Variants in TDRD3 observed in about 807,000 individuals in gnomAD.
TDRD3 encodes tudor domain-containing protein 3.
Under a neutral mutation model 86.7 loss-of-function variants are expected in TDRD3, and 45 were observed. The observed-to-expected ratio is 0.52, with a 90% CI of 0.41 to 0.67. TDRD3 has a LOEUF of 0.67. Among genes scored for constraint, TDRD3 ranks in the 30% least tolerant of loss-of-function variants. The pLI, the probability that TDRD3 is intolerant of heterozygous loss-of-function variation, is 0.00. For missense variants in TDRD3, 814 were observed against 889.0 expected, an observed-to-expected ratio of 0.92 and a Z score of 1.07; for synonymous variants, 298 against 301.7, an observed-to-expected ratio of 0.99 and a Z score of 0.13.
At chr13:60,521,862 A>T (rs1405127292) in intron 10 of TDRD3, among the ~76,000 whole-genome samples, 1 of 152,092 alleles carries the variant, frequency 6.6e-6, no homozygotes, top group African/African-American at 2.4e-5. Context: ...GCACCATTGC[A>T]CTCCAGCCTG....
At chr13:60,498,660 G>A (rs999138761) in intron 8 of TDRD3, among the ~76,000 whole-genome samples, 12 of 152,126 alleles carry the variant, frequency 7.9e-5, no homozygotes, top group African/African-American at 2.9e-4. Context: ...CTTGAATGAA[G>A]GGGAGGCTGG....
At chr13:60,465,546 G>A (rs989677885) in intron 4 of TDRD3, among the ~76,000 whole-genome samples, 3 of 152,026 alleles carry the variant, frequency 2.0e-5, no homozygotes, top group African/African-American at 4.8e-5. Context: ...TTTTTTAATT[G>A]CTTTATTGAG....
chr13:60,538,975 A>G (rs925539011), intron 12 of TDRD3, among the ~76,000 whole-genome samples: 1 of 152,318 alleles, frequency 6.6e-6, no homozygotes, highest in Middle Eastern at 3.4e-3. Flanking sequence ...AAAAGTTCAT[A>G]GTATCTGCTT....
chr13:60,455,391 C>T (rs1186658066), intron 3 of TDRD3, among the ~76,000 whole-genome samples: 2 of 152,114 alleles, frequency 1.3e-5, no homozygotes, highest in African/African-American at 4.8e-5. Context: ...TGAAACATTG[C>T]CCTGTTAAGG....
Position 60,455,805 on chromosome 13 carries a change from C to T in TDRD3, c.193-4575C>T, listed in dbSNP as rs149245611. The stretch of plus-strand genomic sequence containing the variant: ...AAAACAGGCCAGGTATGGTTGCCCA[C>T]GCCTGTAATCCCAGCACTTTAGAAG... On this transcript the variant is annotated intron_variant, in intron 3 of 13. Transcript: ENST00000377881. Among the ~76,000 whole-genome samples the T allele has an allele frequency of 2.1e-4, 32 of 152,100 alleles. No homozygotes were observed. The East Asian group carries it at 5.6e-3, about 27-fold the overall frequency.
intron 1 of TDRD3, among the ~76,000 whole-genome samples, chr13:60,432,487 C>A (rs994644077): frequency 7.2e-5 from 11 of 151,986 alleles, no homozygotes; most frequent in African/African-American, 2.4e-4. Flanking sequence ...AGGGAATTGG[C>A]AAGTTAATTC....
intron 1 of TDRD3, among the ~76,000 whole-genome samples, chr13:60,427,602 T>C (rs1382052643): frequency 6.6e-6 from 1 of 152,168 alleles, no homozygotes; most frequent in African/African-American, 2.4e-5. Context: ...CTCTCCACAC[T>C]GTTCAGTGCT....
chr13:60,435,976 A>G (rs938611102), intron 1 of TDRD3, among the ~76,000 whole-genome samples: 1 of 144,692 alleles, frequency 6.9e-6, no homozygotes, highest in African/African-American at 2.5e-5. Context: ...GTGGTTTCTC[A>G]TTGTGGTTTT....
chr13:60,459,961 A>C (rs1955770447), intron 3 of TDRD3, among the ~76,000 whole-genome samples: 1 of 152,060 alleles, frequency 6.6e-6, no homozygotes. Context: ...AATTTGATTC[A>C]CTTAAAAAAA....
In TDRD3 at chr13:60,494,518, A is replaced by T. The variant is rs916488203; in HGVS notation, c.801A>T (p.Leu267Phe). The T allele has an allele frequency of 4.3e-6, 7 of 1,613,830 alleles. No individual in the cohort carries two copies. The East Asian group carries it at 1.6e-4, about 36-fold the overall frequency. Residue 267 changes from leucine (L) to phenylalanine (F), a missense_variant, in exon 8 of 14, where the codon TTA becomes TTT. Leu to Phe is a conservative substitution (Grantham distance 22). Coordinates refer to ENST00000377881, the MANE Select transcript of TDRD3 (RefSeq NM_001146070.2). The part of the protein sequence containing the change: ...NAAGNRNREV[L>F]QKEKSTKSEG... ...CTGGTAACCGAAATAGGGAAGTTTT[A>T]CAGAAAGAAAAGTCAACCAAATCAG...
chr13:60,439,475 A>G (rs1385339875), intron 1 of TDRD3, among the ~76,000 whole-genome samples: 1 of 152,164 alleles, frequency 6.6e-6, no homozygotes, highest in African/African-American at 2.4e-5. Flanking sequence ...TCCTATTGAC[A>G]CAATAGCTCT....
chr13:60,496,332 T>TCCC (rs1956717821), intron 8 of TDRD3, among the ~76,000 whole-genome samples: 1 of 82,716 alleles, frequency 1.2e-5, no homozygotes, highest in Non-Finnish European at 2.4e-5. Flanking sequence ...TATATATATA[T>TCCC]ATATATATAT....
At chr13:60,522,067 A>C (rs1957299398) in intron 10 of TDRD3, among the ~76,000 whole-genome samples, 1 of 152,084 alleles carries the variant, frequency 6.6e-6, no homozygotes, top group Admixed American at 6.5e-5. Flanking sequence ...ATTTCTTAGC[A>C]TTTTTAATAT....
At chr13:60,468,181 G>A (rs908308868) in intron 5 of TDRD3, among the ~76,000 whole-genome samples, 5 of 152,064 alleles carry the variant, frequency 3.3e-5, no homozygotes, top group Admixed American at 1.3e-4. Flanking sequence ...TCCAGTTTAC[G>A]TTTAATTTTC....
chr13:60,451,276 C>T lies in TDRD3; in HGVS notation c.192+6528C>T, dbSNP rs547240697. Among the ~76,000 whole-genome samples, 6 of 152,232 alleles carry T rather than the reference C, an allele frequency of 3.9e-5. No homozygotes were observed. The East Asian group carries it at 5.8e-4, about 15-fold the overall frequency. On this transcript the variant is annotated intron_variant, in intron 3 of 13. Coordinates refer to ENST00000377881, the MANE Select transcript of TDRD3 (RefSeq NM_001146070.2). ...GTTGGGCCAGTTACACACAAAAAAGCGGGACCTGTGGAGAATCCTGTCAGT... is the reference window on the plus strand; with the variant it reads ...GTTGGGCCAGTTACACACAAAAAAGTGGGACCTGTGGAGAATCCTGTCAGT...
intron 10 of TDRD3, among the ~76,000 whole-genome samples, chr13:60,511,714 C>T (rs1305220329): frequency 6.6e-6 from 1 of 152,200 alleles, no homozygotes; most frequent in South Asian, 2.1e-4. Context: ...ACAGGCTCAC[C>T]CATTCTAGCA....
chr13:60,425,776 A>G (rs1400663559), intron 1 of TDRD3, among the ~76,000 whole-genome samples: 1 of 151,892 alleles, frequency 6.6e-6, no homozygotes, highest in East Asian at 1.9e-4. Context: ...CCTCCTCCTC[A>G]GCCTACTCAA....
intron 1 of TDRD3, among the ~76,000 whole-genome samples, chr13:60,438,626 T>A (rs1955177412): frequency 6.6e-6 from 1 of 152,166 alleles, no homozygotes; most frequent in African/African-American, 2.4e-5. Flanking sequence ...TTTCACTTGC[T>A]TTTTTACTTT....
intron 3 of TDRD3, among the ~76,000 whole-genome samples, chr13:60,453,510 GT>G (rs1233386698): frequency 6.6e-6 from 1 of 152,052 alleles, no homozygotes; most frequent in Non-Finnish European, 1.5e-5. Context: ...AACTCAAAAG[GT>G]TTGGTACGTA....
Sources: gnomAD v4.1 joint callset for allele counts (sites outside exome capture counted in the v4.1 genomes callset) on GRCh38, gnomAD v4.1.1 for gene constraint, MANE v1.5 for transcripts, NCBI Gene and HGNC (gene_info 2026-07-23, HGNC 2026-07-21) for gene names.